Variants in SUPT3H observed in about 807,000 individuals in gnomAD.
SUPT3H encodes the protein SPT3 homolog, SAGA and STAGA complex component.
In SUPT3H, 44 loss-of-function variants were observed where a neutral mutation model predicts 44.3. That is an observed-to-expected ratio of 0.99 (90% CI 0.78 to 1.28). SUPT3H has a LOEUF of 1.28. Ranked by LOEUF, SUPT3H falls within the 50% of genes most tolerant of loss-of-function variation. The pLI is 0.00. For synonymous variants in SUPT3H, 124 were observed against 125.6 expected (o/e 0.99, Z 0.09); for missense variants, 380 against 387.1 (o/e 0.98, Z 0.15).
intron 2 of SUPT3H, among the ~76,000 whole-genome samples, chr6:45,148,170 GGAT>G (rs1337647890): frequency 1.3e-5 from 2 of 151,936 alleles, no homozygotes; most frequent in Admixed American, 1.3e-4. Context: ...TCTCCAGATG[GGAT>G]GATTTCTAAA....
At chr6:45,337,273 A>G (rs533179434) in intron 2 of SUPT3H, among the ~76,000 whole-genome samples, 2 of 151,840 alleles carry the variant, frequency 1.3e-5, no homozygotes, top group East Asian at 1.9e-4. Context: ...TTCTTTAACC[A>G]TAAGACTGTC....
intron 10 of SUPT3H, among the ~76,000 whole-genome samples, chr6:44,888,470 T>C (rs1226087282): frequency 2.6e-5 from 4 of 151,978 alleles, no homozygotes; most frequent in Non-Finnish European, 5.9e-5. Context: ...CATACGCAAA[T>C]CAATAAAAGT....
At chr6:44,881,919 C>G (rs1237533483) in intron 10 of SUPT3H, among the ~76,000 whole-genome samples, 1 of 152,018 alleles carries the variant, frequency 6.6e-6, no homozygotes, top group Non-Finnish European at 1.5e-5. Flanking sequence ...ACTAAAATGC[C>G]CACAGGAGAA....
At chr6:45,299,374 A>C (rs1781791891) in intron 2 of SUPT3H, among the ~76,000 whole-genome samples, 1 of 151,982 alleles carries the variant, frequency 6.6e-6, no homozygotes, top group Non-Finnish European at 1.5e-5. Flanking sequence ...AATGATCTTA[A>C]ACTGATGACT....
At chr6:45,277,468 G>A (rs945546492) in intron 2 of SUPT3H, among the ~76,000 whole-genome samples, 1 of 152,086 alleles carries the variant, frequency 6.6e-6, no homozygotes, top group African/African-American at 2.4e-5. Flanking sequence ...CAGTGGGATG[G>A]ATACAATCTT....
chr6:44,868,684 TC>T (rs1283926482), intron 10 of SUPT3H, among the ~76,000 whole-genome samples: 4 of 152,144 alleles, frequency 2.6e-5, no homozygotes, highest in Admixed American at 2.6e-4. Flanking sequence ...CTGCCTGTCT[TC>T]CCCTCTTTGG....
At chr6:45,189,334 C>T (rs1814775531) in intron 2 of SUPT3H, among the ~76,000 whole-genome samples, 2 of 152,012 alleles carry the variant, frequency 1.3e-5, no homozygotes, top group Non-Finnish European at 2.9e-5. Context: ...AAAACAAAAC[C>T]TTTAAGATAG....
intron 2 of SUPT3H, among the ~76,000 whole-genome samples, chr6:45,307,755 C>T (rs192798033): frequency 1.3e-5 from 2 of 152,340 alleles, no homozygotes; most frequent in African/African-American, 4.8e-5. Flanking sequence ...AGAAACGGAA[C>T]AAAGCTGGAT....
intron 1 of SUPT3H, among the ~76,000 whole-genome samples, chr6:45,368,125 T>A (rs1193722853): frequency 1.3e-5 from 2 of 152,186 alleles, no homozygotes; most frequent in Non-Finnish European, 2.9e-5. Flanking sequence ...ACTGTAATCT[T>A]TTCAATGGGT....
chr6:45,250,746 G>GA (rs944294638), intron 2 of SUPT3H, among the ~76,000 whole-genome samples: 1 of 149,836 alleles, frequency 6.7e-6, no homozygotes, highest in Non-Finnish European at 1.5e-5. Flanking sequence ...GAACACAACA[G>GA]AAAAAAAGAT....
chr6:45,340,521 G>T (rs1789556896), intron 2 of SUPT3H, among the ~76,000 whole-genome samples: 1 of 151,786 alleles, frequency 6.6e-6, no homozygotes, highest in Non-Finnish European at 1.5e-5. Flanking sequence ...ACAGGTTTTT[G>T]CCATGTTGCC....
intron 2 of SUPT3H, among the ~76,000 whole-genome samples, chr6:45,332,202 CTTTTT>C (rs1192419429): frequency 6.6e-6 from 1 of 151,076 alleles, no homozygotes; most frequent in African/African-American, 2.4e-5. Context: ...TGTATCACAA[CTTTTT>C]TTTTCAACAA....
chr6:44,896,667 C>T (rs1309447216), intron 10 of SUPT3H, among the ~76,000 whole-genome samples: 1 of 152,164 alleles, frequency 6.6e-6, no homozygotes, highest in Non-Finnish European at 1.5e-5. Flanking sequence ...TTTTTAAACA[C>T]ATCTCCTTAC....
chr6:44,937,344 A>G (rs1026132950), intron 9 of SUPT3H, among the ~76,000 whole-genome samples: 14 of 152,086 alleles, frequency 9.2e-5, no homozygotes, highest in Middle Eastern at 3.2e-3. Flanking sequence ...ATATAAAAAA[A>G]TTAGCCAGGT....
At chr6:45,310,438 T>C (rs1584850999) in intron 2 of SUPT3H, among the ~76,000 whole-genome samples, 1 of 152,044 alleles carries the variant, frequency 6.6e-6, no homozygotes, top group African/African-American at 2.4e-5. Context: ...GCTGATGCTT[T>C]CTAGAAAGCA....
intron 2 of SUPT3H, among the ~76,000 whole-genome samples, chr6:45,236,149 C>T (rs970310291): frequency 1.8e-4 from 27 of 152,170 alleles, no homozygotes; most frequent in Non-Finnish European, 3.8e-4. Flanking sequence ...CCCGATTTCC[C>T]ACTCCACACG....
intron 3 of SUPT3H, among the ~76,000 whole-genome samples, chr6:45,063,799 T>C (rs1361881974): frequency 2.8e-5 from 4 of 141,926 alleles, no homozygotes; most frequent in Non-Finnish European, 6.1e-5. Flanking sequence ...CCAAGAAATA[T>C]GGGACTATGT....
chr6:44,850,176 A>G (rs1414316640), intron 10 of SUPT3H, among the ~76,000 whole-genome samples: 1 of 152,238 alleles, frequency 6.6e-6, no homozygotes, highest in African/African-American at 2.4e-5. Context: ...GTAAGAATGC[A>G]CTAATGATCA....
chr6:45,335,792 AT>A (rs1470557735), intron 2 of SUPT3H, among the ~76,000 whole-genome samples: 2 of 151,374 alleles, frequency 1.3e-5, no homozygotes, highest in Non-Finnish European at 3.0e-5. Context: ...ATTAGGCAGG[AT>A]AAATGGTTAC....
Sources: allele counts gnomAD v4.1 joint callset (sites outside exome capture counted in the v4.1 genomes callset), GRCh38; gene constraint gnomAD v4.1.1; transcripts MANE v1.5; gene names NCBI Gene and HGNC (gene_info 2026-07-23, HGNC 2026-07-21).